CHMP5: variants seen among roughly 807,000 people sequenced by gnomAD.
CHMP5 encodes SNF7 domain containing 2.
Under a neutral mutation model 33.0 loss-of-function variants are expected in CHMP5, and 17 were observed. That is an observed-to-expected ratio of 0.52 (90% CI 0.35 to 0.77). CHMP5 has a LOEUF of 0.77. Ranked by LOEUF, CHMP5 falls within the 30% of genes least tolerant of loss-of-function variation. CHMP5 has a pLI of 0.01. For synonymous variants in CHMP5, 76 were observed against 90.2 expected, an observed-to-expected ratio of 0.84 and a Z score of 0.89; for missense variants, 216 against 261.5, an observed-to-expected ratio of 0.83 and a Z score of 1.20.
intron 5 of CHMP5, among the ~76,000 whole-genome samples, chr9:33,275,922 T>C (rs1364545496): frequency 1.3e-5 from 2 of 152,154 alleles, no homozygotes; most frequent in African/African-American, 4.8e-5. Flanking sequence ...GGCAGGAGAA[T>C]CACTTGAACC....
intron 5 of CHMP5, among the ~76,000 whole-genome samples, chr9:33,272,393 C>CAA (rs10710870): frequency 0.021 from 2,579 of 124,940 alleles, 100 homozygotes; most frequent in African/African-American, 0.074. Context: ...GGAGATAAAG[C>CAA]AAAAAAAAAA....
At chr9:33,270,544 T>C (rs1401668544) in intron 3 of CHMP5, 79 bp from the exon 4 acceptor site, 3 of 1,125,860 alleles carry the variant, frequency 2.7e-6, no homozygotes, top group Admixed American at 4.3e-5. Flanking sequence ...TAAATACTCT[T>C]ATTTAGTGTG....
chr9:33,279,286 C>T (rs542878370), intron 7 of CHMP5, among the ~76,000 whole-genome samples: 100 of 152,208 alleles, frequency 6.6e-4, no homozygotes, highest in African/African-American at 2.3e-3. Context: ...TCTTTTTGAA[C>T]CTCATCAGTT....
rs571137711 is a variant in CHMP5, at chr9:33,265,921, T to C, written c.70-89T>C. The C allele has an allele frequency of 3.9e-6, 3 of 772,906 alleles. No individual in the cohort carries two copies. The South Asian group carries it at 5.0e-5, about 13-fold the overall frequency. 47.9% of individuals were successfully genotyped at this position (772,906 alleles called of 1,614,324 possible). On this transcript the variant is annotated intron_variant, in intron 1 of 7. Coordinates refer to ENST00000223500, the MANE Select transcript of CHMP5 (RefSeq NM_016410.6). ...CACCCTTCCCCTTAAGCTCCTCTTTTCTTCCTCTGTATTCCTTCCTCTCTA... is the reference window on the plus strand; with the variant it reads ...CACCCTTCCCCTTAAGCTCCTCTTTCCTTCCTCTGTATTCCTTCCTCTCTA...
At chr9:33,277,381 T>C (rs796704897) in intron 6 of CHMP5, among the ~76,000 whole-genome samples, 1 of 151,954 alleles carries the variant, frequency 6.6e-6, no homozygotes, top group East Asian at 1.9e-4. Context: ...GAGCACAGAC[T>C]ATAGGGAAGA....
intron 3 of CHMP5, 73 bp from the exon 4 acceptor site, chr9:33,270,550 G>T: frequency 8.8e-7 from 1 of 1,136,430 alleles, no homozygotes; most frequent in Non-Finnish European, 1.3e-6. Flanking sequence ...CTCTTATTTA[G>T]TGTGGGGATA....
Position 33,265,122 on chromosome 9 carries a change from C to G in CHMP5, c.44C>G (p.Pro15Arg), listed in dbSNP as rs1820691023. 1 of 1,614,068 alleles carries G rather than the reference C, an allele frequency of 6.2e-7. No homozygotes were observed. Among genetic ancestry groups the G allele is most frequent in the Non-Finnish European group, 8.5e-7 (1 of 1,180,040 alleles). ...FGKAKPKAPP[P>R]SLTDCIGTVD... The stretch of plus-strand genomic sequence containing the variant: ...AAAGCGAAACCCAAGGCTCCGCCGC[C>G]CAGCCTGACTGACTGCATTGGCACG... Residue 15 changes from proline to arginine, a missense_variant, in exon 1 of 8, where the codon CCC becomes CGC. Coordinates refer to ENST00000223500, the MANE Select transcript of CHMP5 (RefSeq NM_016410.6).
chr9:33,273,731 T>A (rs574763994), intron 5 of CHMP5, among the ~76,000 whole-genome samples: 213 of 152,210 alleles, frequency 1.4e-3, no homozygotes, highest in Non-Finnish European at 1.8e-3. Flanking sequence ...CTTTTTTTTT[T>A]TATATTGCTT....
chr9:33,269,727 C>T (rs1820770586), intron 3 of CHMP5, among the ~76,000 whole-genome samples: 1 of 152,150 alleles, frequency 6.6e-6, no homozygotes, highest in Admixed American at 6.5e-5. Flanking sequence ...GTAATCCCAG[C>T]ACTTTGGGAG....
chr9:33,267,613 A>G (rs781257638), intron 2 of CHMP5, among the ~76,000 whole-genome samples: 1 of 152,184 alleles, frequency 6.6e-6, no homozygotes, highest in Non-Finnish European at 1.5e-5. Flanking sequence ...GCATTAGGAA[A>G]AGAGAAAGTA....
intron 2 of CHMP5, among the ~76,000 whole-genome samples, chr9:33,267,096 C>G (rs1453581562): frequency 6.6e-6 from 1 of 152,138 alleles, no homozygotes; most frequent in African/African-American, 2.4e-5. Flanking sequence ...ACCACTATGT[C>G]TAGGATAAAG....
intron 2 of CHMP5, among the ~76,000 whole-genome samples, chr9:33,266,949 T>G (rs1820734728): frequency 6.6e-6 from 1 of 152,226 alleles, no homozygotes; most frequent in African/African-American, 2.4e-5. Flanking sequence ...TAGAACTACC[T>G]TGTTTTTTCC....
chr9:33,266,588 G>A (rs1820729150), intron 2 of CHMP5, among the ~76,000 whole-genome samples: 1 of 152,212 alleles, frequency 6.6e-6, no homozygotes, highest in South Asian at 2.1e-4. Flanking sequence ...AGGAGAGTTT[G>A]CAATCAAATA....
chr9:33,272,649 A>G (rs940621949), intron 5 of CHMP5, among the ~76,000 whole-genome samples: 3 of 152,038 alleles, frequency 2.0e-5, no homozygotes, highest in African/African-American at 7.2e-5. Flanking sequence ...CCAAAAATAC[A>G]AAAAATTAGC....
Position 33,270,637 on chromosome 9 carries a change from G to A in CHMP5, c.236G>A (p.Arg79Gln), listed in dbSNP as rs1200595012. 5.0e-6 allele frequency: 8 copies of A among 1,613,602 alleles called. No homozygotes were observed. In the East Asian group the frequency reaches 8.9e-5, roughly 18 times the overall value. The part of the protein sequence containing the change: ...LKQKRMYEQQ[R>Q]DNLAQQSFNM... ...ACTCTAAAAAGGTATGAGCAGCAGC[G>A]GGACAATCTTGCCCAACAGTCATTC... Residue 79 changes from arginine (R) to glutamine (Q), a missense_variant, in exon 4 of 8, where the codon CGG becomes CAG. Transcript: ENST00000223500.
At chr9:33,271,478 A>G (rs1820794318) in intron 5 of CHMP5, among the ~76,000 whole-genome samples, 2 of 152,330 alleles carry the variant, frequency 1.3e-5, no homozygotes, top group South Asian at 4.1e-4. Flanking sequence ...TGATGGTGCG[A>G]AAACTATATG....
At chr9:33,270,856 T>A (rs1820786307) in intron 4 of CHMP5, 140 bp downstream of exon 4, 2 of 695,800 alleles carry the variant, frequency 2.9e-6, no homozygotes, top group African/African-American at 3.6e-5. Context: ...CTGAGGTGGG[T>A]GGATCACCTG....
chr9:33,266,077 A>C lies in CHMP5; in HGVS notation c.137A>C (p.Lys46Thr), dbSNP rs146626883. The C allele has an allele frequency of 1.0e-4, 166 of 1,613,088 alleles. No homozygotes were observed. The highest frequency in any genetic ancestry group is 1.3e-4 in the Non-Finnish European group (150 of 1,179,350). The stretch of plus-strand genomic sequence containing the variant: ...TTGGATGCTGAGCTAGTGAAGTATA[A>C]GGATCAGATCAAGAAGATGAGAGAG... ...SRLDAELVKY[K>T]DQIKKMREGP... The change falls in exon 2 of 8, where the codon AAG becomes ACG. Residue 46 changes from lysine (K) to threonine (T), a missense_variant. Lys to Thr is a moderately conservative substitution (Grantham distance 78). Transcript: ENST00000223500.
Position 33,281,008 on chromosome 9 carries a change from T to G in CHMP5, c.*149T>G. On this transcript the variant is annotated 3_prime_UTR_variant, in exon 8 of 8. Transcript: ENST00000223500. ...TACATTGCTCTTTTATTTTTTCCAT[T>G]AAGAGACTCATTGCTTGGGAAATGC... The G allele has an allele frequency of 2.0e-6, 1 of 512,746 alleles. No individual in the cohort carries two copies. The highest frequency in any genetic ancestry group is 3.4e-6 in the Non-Finnish European group (1 of 298,292). The allele number at this position is 512,746 out of a possible 1,614,324, so 31.8% of individuals were successfully genotyped here. A position where few individuals can be genotyped will look rare whatever the true frequency, so the allele number is the denominator to read the frequency against.
Sources: gnomAD v4.1 joint callset for allele counts (sites outside exome capture counted in the v4.1 genomes callset) on GRCh38, gnomAD v4.1.1 for gene constraint, MANE v1.5 for transcripts, NCBI Gene and HGNC (gene_info 2026-07-23, HGNC 2026-07-21) for gene names.